Variants in ZSWIM5 observed in about 807,000 individuals in gnomAD.
ZSWIM5 encodes the protein zinc finger SWIM-type containing 5.
Under a neutral mutation model 119.6 loss-of-function variants are expected in ZSWIM5, and 55 were observed. The ratio of observed to expected loss-of-function variants is 0.46; its 90% CI spans 0.37 to 0.58. The LOEUF is 0.58. ZSWIM5 is among the 20% of genes least tolerant of loss of function. The probability of loss-of-function intolerance (pLI) is 0.00; values close to 1 mark genes in which losing one functional copy is unlikely to be tolerated. For missense variants in ZSWIM5, 1,193 were observed against 1,512.8 expected (o/e 0.79, Z 3.51); for synonymous variants, 537 against 606.9 (o/e 0.88, Z 1.69).
chr1:45,114,852 T>C (rs1348738359), intron 1 of ZSWIM5, among the ~76,000 whole-genome samples: 5 of 152,204 alleles, frequency 3.3e-5, no homozygotes, highest in Admixed American at 6.5e-5. Context: ...TGACTCTTAA[T>C]GAGCATGCTG....
At chr1:45,067,301 T>C (rs373475041) in intron 2 of ZSWIM5, among the ~76,000 whole-genome samples, 4 of 151,968 alleles carry the variant, frequency 2.6e-5, no homozygotes, top group East Asian at 3.9e-4. Flanking sequence ...TAGCCAAGCA[T>C]GGTGACATGA....
chr1:45,056,253 G>A (rs920339568), intron 4 of ZSWIM5, among the ~76,000 whole-genome samples: 21 of 152,028 alleles, frequency 1.4e-4, no homozygotes, highest in Non-Finnish European at 2.9e-5. Flanking sequence ...AGTTGGTGAG[G>A]ACAGTTGGAA....
At chr1:45,190,299 T>A (rs933445761) in intron 1 of ZSWIM5, among the ~76,000 whole-genome samples, 4 of 152,094 alleles carry the variant, frequency 2.6e-5, no homozygotes, top group African/African-American at 9.7e-5. Context: ...TATTCCAGCC[T>A]GGGTGACAGA....
chr1:45,022,381 T>C (rs557932162), intron 11 of ZSWIM5, among the ~76,000 whole-genome samples: 174 of 152,162 alleles, frequency 1.1e-3, no homozygotes, highest in South Asian at 2.7e-3. Context: ...CCACCCGCCT[T>C]GGTCTCCCAA....
intron 1 of ZSWIM5, among the ~76,000 whole-genome samples, chr1:45,189,760 A>C (rs1023963167): frequency 1.3e-5 from 2 of 152,320 alleles, no homozygotes; most frequent in Admixed American, 6.5e-5. Context: ...CGTCTCAAAA[A>C]ACAAAACAAA....
intron 2 of ZSWIM5, among the ~76,000 whole-genome samples, chr1:45,087,192 A>G (rs1267928465): frequency 6.6e-6 from 1 of 152,136 alleles, no homozygotes; most frequent in Non-Finnish European, 1.5e-5. Context: ...CCCCTTCTTT[A>G]AAATTTTCAA....
At chr1:45,149,099 C>T (rs1023322505) in intron 1 of ZSWIM5, among the ~76,000 whole-genome samples, 12 of 152,008 alleles carry the variant, frequency 7.9e-5, no homozygotes, top group African/African-American at 2.4e-4. Context: ...TAAGACTCCA[C>T]CTCTACAATT....
intron 1 of ZSWIM5, among the ~76,000 whole-genome samples, chr1:45,164,062 GC>G (rs1645883178): frequency 6.6e-6 from 1 of 152,174 alleles, no homozygotes; most frequent in Non-Finnish European, 1.5e-5. Flanking sequence ...GTTGAGGGCA[GC>G]CAGAGAGAAA....
At chr1:45,035,978 G>T in intron 9 of ZSWIM5, 61 bp downstream of exon 9, 1 of 1,583,996 alleles carries the variant, frequency 6.3e-7, no homozygotes, top group East Asian at 2.2e-5. Flanking sequence ...TACTCTATTG[G>T]AGAGGGGAGC....
intron 8 of ZSWIM5, among the ~76,000 whole-genome samples, 199 bp from the exon 9 acceptor site, chr1:45,036,498 G>A (rs557038400): frequency 6.6e-6 from 1 of 152,046 alleles, no homozygotes; most frequent in African/African-American, 2.4e-5. Flanking sequence ...GGGATTACAG[G>A]AGCATGCCAC....
Position 45,088,077 on chromosome 1 carries a change from T to C in ZSWIM5, c.756A>G (p.Ser252=). 6.2e-7 allele frequency: 1 copy of C among 1,614,024 alleles called. No homozygotes were observed. The highest frequency in any genetic ancestry group is 1.1e-5 in the South Asian group (1 of 91,074). The change falls in exon 2 of 14, where the codon TCA becomes TCG. Residue 252 remains serine, a synonymous_variant. Coordinates refer to ENST00000359600, the MANE Select transcript of ZSWIM5 (RefSeq NM_020883.2). This position sits in a 1 kb window ranked among gnomAD's most constrained non-coding sequence, Gnocchi z 4.2. ...GGTCTGGTTTACGGATCCTGTAGAG[T>C]GAGAGTGCTACCACATGGGCACAGT... ...IFYCAHVVAL[S]LYRIRKPDQV...
intron 2 of ZSWIM5, among the ~76,000 whole-genome samples, chr1:45,068,013 C>G (rs1645195615): frequency 6.6e-6 from 1 of 151,380 alleles, no homozygotes; most frequent in East Asian, 1.9e-4. Flanking sequence ...TGTGTGGGTT[C>G]AGCCTCCACG....
At chr1:45,182,007 G>C (rs1557791361) in intron 1 of ZSWIM5, among the ~76,000 whole-genome samples, 3 of 152,048 alleles carry the variant, frequency 2.0e-5, no homozygotes, top group Admixed American at 2.0e-4. Context: ...TCGAGACTAG[G>C]AAGAAGCTGC....
At chr1:45,179,817 G>A (rs892394206) in intron 1 of ZSWIM5, among the ~76,000 whole-genome samples, 2 of 152,122 alleles carry the variant, frequency 1.3e-5, no homozygotes, top group African/African-American at 4.8e-5. Context: ...TTCAGATGTA[G>A]CAATTATCCT....
chr1:45,092,551 C>T (rs978628916), intron 1 of ZSWIM5, among the ~76,000 whole-genome samples: 1 of 121,560 alleles, frequency 8.2e-6, no homozygotes, highest in Non-Finnish European at 1.9e-5. Flanking sequence ...CCCCCCCCCC[C>T]GCCAGCCTTA....
At chr1:45,089,416 G>T (rs1282293314) in intron 1 of ZSWIM5, among the ~76,000 whole-genome samples, 1 of 152,188 alleles carries the variant, frequency 6.6e-6, no homozygotes, top group African/African-American at 2.4e-5. Flanking sequence ...AAAAAAAGAA[G>T]ATATTTGTGA....
At chr1:45,033,802 TA>T in intron 11 of ZSWIM5, among the ~76,000 whole-genome samples, 1 of 152,156 alleles carries the variant, frequency 6.6e-6, no homozygotes, top group East Asian at 1.9e-4. Context: ...AAAGATCATT[TA>T]ATTTTACATA....
intron 1 of ZSWIM5, among the ~76,000 whole-genome samples, chr1:45,100,026 T>C (rs1404326787): frequency 6.6e-6 from 1 of 152,116 alleles, no homozygotes; most frequent in Non-Finnish European, 1.5e-5. Flanking sequence ...CTATTCAACA[T>C]AGTATTGGAA....
chr1:45,087,716 G>A (rs1645339472), intron 2 of ZSWIM5, among the ~76,000 whole-genome samples, 165 bp downstream of exon 2: 1 of 152,218 alleles, frequency 6.6e-6, no homozygotes, highest in Non-Finnish European at 1.5e-5. Context: ...GTTAAACACA[G>A]TTGTTTGGAT....
Sources: gnomAD v4.1 joint callset for allele counts (sites outside exome capture counted in the v4.1 genomes callset) on GRCh38, gnomAD v4.1.1 for gene constraint, Gnocchi (gnomAD v3.1) non-coding constraint, MANE v1.5 for transcripts, NCBI Gene and HGNC (gene_info 2026-07-23, HGNC 2026-07-21) for gene names.